Variants in CT45A1 observed in about 807,000 individuals in gnomAD.
The protein encoded by CT45A1 is cancer/testis antigen family 45 member A1, also known as cancer/testis antigen 45-1.
At chrX:135,715,212 A>ATTATAT (rs781850453) in intron 1 of CT45A1, among the ~76,000 whole-genome samples, 1 of 88,912 alleles carries the variant, frequency 1.1e-5, no homozygotes, top group Non-Finnish European at 2.2e-5. Context: ...ATATATATAT[A>ATTATAT]ATACTTATAT....
intron 1 of CT45A1, among the ~76,000 whole-genome samples, chrX:135,718,335 G>A (rs2088007388): frequency 9.0e-6 from 1 of 110,851 alleles, no homozygotes; most frequent in Non-Finnish European, 1.9e-5. Flanking sequence ...CTAAGTTCAG[G>A]GGTGATATTG....
upstream of CT45A1, among the ~76,000 whole-genome samples, chrX:135,712,903 CTTCT>C (rs201723433): frequency 1.6e-4 from 17 of 107,155 alleles, no homozygotes; most frequent in South Asian, 4.5e-4. Flanking sequence ...TTCTTTCTTT[CTTCT>C]TTCTTTCTTT....
intron 1 of CT45A1, among the ~76,000 whole-genome samples, chrX:135,715,646 A>ACAGG: frequency 1.0e-5 from 1 of 96,254 alleles, no homozygotes; most frequent in African/African-American, 3.8e-5. Context: ...TATAATACTT[A>ACAGG]TATGTATATA....
upstream of CT45A1, among the ~76,000 whole-genome samples, chrX:135,708,725 G>A (rs1194631217): frequency 9.0e-6 from 1 of 111,523 alleles, no homozygotes; most frequent in African/African-American, 3.3e-5. Context: ...TTCACCTTAT[G>A]AACACCATCT....
chrX:135,710,303 T>G (rs1273611625), upstream of CT45A1: 1 of 111,931 alleles, frequency 8.9e-6, no homozygotes, highest in Non-Finnish European at 1.9e-5. Flanking sequence ...TACTAGAGTC[T>G]CCAGAATGAA....
At chrX:135,712,928 C>CTTT (rs59244906), upstream of CT45A1, among the ~76,000 whole-genome samples, 79 of 67,017 alleles carry the variant, frequency 1.2e-3, no homozygotes, top group African/African-American at 5.0e-3. Flanking sequence ...CTTTTCTTTT[C>CTTT]TTTTCTTTTT....
At chrX:135,715,087 A>G (rs1390898302) in intron 1 of CT45A1, among the ~76,000 whole-genome samples, 18 of 104,471 alleles carry the variant, frequency 1.7e-4, no homozygotes, top group Middle Eastern at 0.01. Flanking sequence ...CACGATCTCA[A>G]TAATGTATTT....
At chrX:135,712,982 C>CTCCTTCCT (rs782717113), upstream of CT45A1, among the ~76,000 whole-genome samples, 7 of 7,491 alleles carry the variant, frequency 9.3e-4, no homozygotes, top group Non-Finnish European at 1.1e-3. Flanking sequence ...TCTTTTCTTT[C>CTCCTTCCT]TCCTTCCTTC....
chrX:135,717,049 T>A (rs1160399998), intron 1 of CT45A1, among the ~76,000 whole-genome samples: 1 of 111,398 alleles, frequency 9.0e-6, no homozygotes, highest in Non-Finnish European at 1.9e-5. Context: ...TCTACTAACT[T>A]AGTTCTTTTT....
chrX:135,708,702 T>C (rs2087919962), upstream of CT45A1, among the ~76,000 whole-genome samples: 1 of 111,694 alleles, frequency 9.0e-6, no homozygotes. Flanking sequence ...AGGCAAGATG[T>C]AGGAACTTCC....
the CT45A1 span, among the ~76,000 whole-genome samples, chrX:135,708,490 CG>C: frequency 9.1e-6 from 1 of 110,474 alleles, no homozygotes; most frequent in African/African-American, 3.3e-5. Flanking sequence ...GTGTGTGGTA[CG>C]GCTCCCTGGG....
upstream of CT45A1, among the ~76,000 whole-genome samples, chrX:135,711,160 T>G (rs1269786888): frequency 8.9e-6 from 1 of 111,939 alleles, no homozygotes; most frequent in African/African-American, 3.3e-5. Context: ...AATCAAATAC[T>G]CATATGAGTA....
chrX:135,714,349 C>T (rs1416663833), intron 1 of CT45A1, among the ~76,000 whole-genome samples: 3 of 109,263 alleles, frequency 2.7e-5, no homozygotes, highest in East Asian at 2.9e-4. Flanking sequence ...TGCTCTCTCC[C>T]GGTGCTGCGG....
At chrX:135,711,820 C>T (rs1293356697), upstream of CT45A1, among the ~76,000 whole-genome samples, 1 of 111,640 alleles carries the variant, frequency 9.0e-6, no homozygotes, top group Non-Finnish European at 1.9e-5. Context: ...GTGGCTCACA[C>T]CTGTAATCCC....
intron 1 of CT45A1, among the ~76,000 whole-genome samples, chrX:135,714,394 C>T (rs1287405385): frequency 1.8e-5 from 2 of 109,443 alleles, no homozygotes; most frequent in African/African-American, 6.7e-5. Context: ...TTCTCTAAGC[C>T]TATGGTGGGA....
chrX:135,710,354 T>C (rs2087927810), upstream of CT45A1: 1 of 112,475 alleles, frequency 8.9e-6, no homozygotes, highest in South Asian at 3.7e-4. Context: ...TCCAGAATTT[T>C]GGAAGCCAAG....
chrX:135,712,929 T>TTTTTTTCTTTCTTTC (rs1556570037), upstream of CT45A1, among the ~76,000 whole-genome samples: 11 of 62,933 alleles, frequency 1.7e-4, no homozygotes, highest in African/African-American at 4.6e-4. Flanking sequence ...TTTTCTTTTC[T>TTTTTTTCTTTCTTTC]TTTCTTTTTT....
intron 1 of CT45A1, among the ~76,000 whole-genome samples, chrX:135,715,656 A>G (rs2087981845): frequency 1.0e-5 from 1 of 99,495 alleles, no homozygotes; most frequent in South Asian, 4.2e-4. Context: ...ATATGTATAT[A>G]ATACTTATAT....
At chrX:135,712,974 T>TTTC (rs782341458), upstream of CT45A1, among the ~76,000 whole-genome samples, 75 of 48,047 alleles carry the variant, frequency 1.6e-3, no homozygotes, top group Non-Finnish European at 2.2e-3. Flanking sequence ...TCTTTCTTTC[T>TTTC]TTTCTTTCTC....
Sources: gnomAD v4.1 joint callset for allele counts (sites outside exome capture counted in the v4.1 genomes callset) on GRCh38, gnomAD v4.1.1 for gene constraint, MANE v1.5 for transcripts, NCBI Gene and HGNC (gene_info 2026-07-23, HGNC 2026-07-21) for gene names.